The following RAB31 variants were observed in gnomAD, a reference collection of about 807,000 sequenced individuals.
RAB31 encodes ras-related protein Rab-31.
RAB31 carries 21 observed loss-of-function variants against 25.6 expected under a neutral mutation model. The ratio of observed to expected loss-of-function variants is 0.82; its 90% CI spans 0.58 to 1.18. The LOEUF (loss-of-function observed/expected upper bound fraction) is 1.18. Among genes scored for constraint, RAB31 ranks in the 50% most tolerant of loss-of-function variants. RAB31 has a pLI of 0.00. For synonymous variants in RAB31, 87 were observed against 84.0 expected, an observed-to-expected ratio of 1.04 and a Z score of -0.20; for missense variants, 196 against 250.1, an observed-to-expected ratio of 0.78 and a Z score of 1.46.
intron 5 of RAB31, among the ~76,000 whole-genome samples, chr18:9,825,013 A>G (rs1255270291): frequency 6.6e-6 from 1 of 152,184 alleles, no homozygotes; most frequent in African/African-American, 2.4e-5. Flanking sequence ...CACAGCTCCC[A>G]GGGGTGGAGA....
rs561084634 is a variant in RAB31, at chr18:9,777,857, C to T, written c.119+2500C>T. 1.2e-3 allele frequency among the ~76,000 whole-genome samples: 182 copies of T among 149,544 alleles called. 2 individuals are homozygous for T. In the Middle Eastern group the frequency reaches 0.017, roughly 14 times the overall value. Reference sequence around the variant, plus strand: ...GCAACCTCCGCCTCCCGGGTTCAAGCGATTCTCCTGCCTCAGCCTCCTGAG... The same window carrying T: ...GCAACCTCCGCCTCCCGGGTTCAAGTGATTCTCCTGCCTCAGCCTCCTGAG... On this transcript the variant is annotated intron_variant, in intron 2 of 6. Transcript: ENST00000578921.
At chr18:9,819,479 T>C (rs945914676) in intron 5 of RAB31, among the ~76,000 whole-genome samples, 4 of 152,198 alleles carry the variant, frequency 2.6e-5, no homozygotes, top group African/African-American at 9.6e-5. Flanking sequence ...AGCTTTGTAG[T>C]AAGTTTGAAA....
intron 6 of RAB31, among the ~76,000 whole-genome samples, chr18:9,857,835 C>T (rs2068826762): frequency 6.6e-6 from 1 of 150,792 alleles, no homozygotes; most frequent in Non-Finnish European, 1.5e-5. Flanking sequence ...TGAGACCAGC[C>T]TGGGCAACAT....
At position 9,862,127 on chromosome 18, in the gene RAB31, T is replaced by A. The variant is rs1448590953; in HGVS notation, c.*2802T>A. The A allele has an allele frequency of 6.6e-6, 1 of 152,558 alleles. No homozygotes were observed. Among genetic ancestry groups the A allele is most frequent in the Non-Finnish European group, 1.5e-5 (1 of 68,044 alleles). The allele number at this position is 152,558 out of a possible 1,614,324, so 9.5% of individuals were successfully genotyped here. On this transcript the variant is annotated 3_prime_UTR_variant, in exon 7 of 7. Coordinates refer to ENST00000578921, the MANE Select transcript of RAB31 (RefSeq NM_006868.4). ...GATGACTGAAATATTTCCTCTACAG[T>A]CAAGGACTTTGGCATGTGGTGGCTG...
At chr18:9,796,915 G>C (rs934067535) in intron 3 of RAB31, among the ~76,000 whole-genome samples, 3 of 152,048 alleles carry the variant, frequency 2.0e-5, no homozygotes, top group Non-Finnish European at 2.9e-5. Flanking sequence ...ATTAATTAAA[G>C]TTATATTAAA....
At chr18:9,850,867 A>AAAATAAATAAAT (rs10569954) in intron 6 of RAB31, among the ~76,000 whole-genome samples, 2 of 150,226 alleles carry the variant, frequency 1.3e-5, no homozygotes, top group South Asian at 4.2e-4. Flanking sequence ...TCCTATCTCT[A>AAAATAAATAAAT]AAATAAATAA....
chr18:9,823,048 G>A (rs1177404717), intron 5 of RAB31, among the ~76,000 whole-genome samples: 1 of 152,178 alleles, frequency 6.6e-6, no homozygotes, highest in African/African-American at 2.4e-5. Flanking sequence ...ACAAACTGTG[G>A]TGCATCCATA....
intron 6 of RAB31, among the ~76,000 whole-genome samples, chr18:9,849,814 G>A (rs568718490): frequency 2.6e-4 from 39 of 152,324 alleles, no homozygotes; most frequent in East Asian, 2.5e-3. Context: ...AGGAAATGTC[G>A]TGGTGCTTTT....
At chr18:9,811,814 T>C (rs2068572957) in intron 3 of RAB31, among the ~76,000 whole-genome samples, 1 of 152,230 alleles carries the variant, frequency 6.6e-6, no homozygotes, top group Non-Finnish European at 1.5e-5. Context: ...TTTGAGACTA[T>C]TTCTCATCTA....
At chr18:9,734,395 C>T (rs910368207) in intron 1 of RAB31, among the ~76,000 whole-genome samples, 8 of 152,168 alleles carry the variant, frequency 5.3e-5, no homozygotes, top group African/African-American at 1.2e-4. Flanking sequence ...CCACCACACC[C>T]GCTGCCTTTC....
At chr18:9,849,954 CA>C (rs1385281660) in intron 6 of RAB31, among the ~76,000 whole-genome samples, 1 of 151,998 alleles carries the variant, frequency 6.6e-6, no homozygotes, top group Non-Finnish European at 1.5e-5. Context: ...GCAGAGTGTC[CA>C]ATTTACATTT....
rs191916274 is a variant in RAB31 at position 9,833,224 on chromosome 18, G to A, written c.381-12358G>A. ...TATCCACTGAGACAGCGCTCCAGCCGCTCCGGGAAGAAAATGACCACAGCA... is the reference window on the plus strand; with the variant it reads ...TATCCACTGAGACAGCGCTCCAGCCACTCCGGGAAGAAAATGACCACAGCA... On this transcript the variant is annotated intron_variant, in intron 5 of 6. Transcript: ENST00000578921. Among the ~76,000 whole-genome samples the A allele has an allele frequency of 1.2e-4, 18 of 152,344 alleles. No homozygotes were observed. In the East Asian group the frequency reaches 3.1e-3, roughly 26 times the overall value.
At chr18:9,718,628 T>A (rs779470413) in intron 1 of RAB31, among the ~76,000 whole-genome samples, 2 of 152,222 alleles carry the variant, frequency 1.3e-5, no homozygotes, top group African/African-American at 4.8e-5. Flanking sequence ...GTTTAGTCTT[T>A]TTGGGCTGTT....
intron 1 of RAB31, among the ~76,000 whole-genome samples, chr18:9,717,359 AAG>A (rs1180571601): frequency 6.6e-6 from 1 of 152,142 alleles, no homozygotes. Flanking sequence ...TTTAACCCAG[AAG>A]ATATCTTAGG....
intron 1 of RAB31, among the ~76,000 whole-genome samples, chr18:9,709,206 C>G (rs939863559): frequency 6.6e-6 from 1 of 152,200 alleles, no homozygotes; most frequent in Non-Finnish European, 1.5e-5. Context: ...ATCCGTGCGG[C>G]CCGGGGACTG....
chr18:9,724,299 C>A (rs7233708), intron 1 of RAB31, among the ~76,000 whole-genome samples: 255 of 123,030 alleles, frequency 2.1e-3, no homozygotes, highest in South Asian at 3.2e-3. Flanking sequence ...AAAAAAAAAA[C>A]ATTATTATTG....
chr18:9,745,770 G>GA (rs2068202290), intron 1 of RAB31, among the ~76,000 whole-genome samples: 1 of 152,192 alleles, frequency 6.6e-6, no homozygotes, highest in South Asian at 2.1e-4. Context: ...ACTAGAGATA[G>GA]AGGGGAACAT....
chr18:9,825,872 T>C (rs948048194), intron 5 of RAB31, among the ~76,000 whole-genome samples: 3 of 152,166 alleles, frequency 2.0e-5, no homozygotes, highest in African/African-American at 7.2e-5. Context: ...TTCTTACTTA[T>C]AAGGGGAAGT....
intron 5 of RAB31, among the ~76,000 whole-genome samples, chr18:9,827,545 C>T (rs1599056403): frequency 6.7e-6 from 1 of 150,106 alleles, no homozygotes; most frequent in East Asian, 2.1e-4. Context: ...ACTCTCGCCT[C>T]TTCTGAGGGA....
Sources: allele counts gnomAD v4.1 joint callset (sites outside exome capture counted in the v4.1 genomes callset), GRCh38; gene constraint gnomAD v4.1.1; transcripts MANE v1.5; gene names NCBI Gene and HGNC (gene_info 2026-07-23, HGNC 2026-07-21).